KCNQ3: variants seen among roughly 807,000 people sequenced by gnomAD.
KCNQ3 encodes potassium voltage-gated channel subfamily Q member 3, also known as potassium voltage-gated channel subfamily KQT member 3.
KCNQ3 carries 30 observed loss-of-function variants against 92.5 expected under a neutral mutation model. The ratio of observed to expected loss-of-function variants is 0.32; its 90% CI spans 0.24 to 0.44. The LOEUF (loss-of-function observed/expected upper bound fraction) is 0.44. KCNQ3 is among the 20% of genes least tolerant of loss of function. The pLI is 1.00. For synonymous variants in KCNQ3, 450 were observed against 468.8 expected (o/e 0.96, Z 0.52); for missense variants, 913 against 1,140.3 (o/e 0.80, Z 2.87).
chr8:132,258,407 T>C (rs1249891005), intron 1 of KCNQ3, among the ~76,000 whole-genome samples: 1 of 152,012 alleles, frequency 6.6e-6, no homozygotes, highest in Non-Finnish European at 1.5e-5. Flanking sequence ...TCCTAAATCA[T>C]CAAGGGGTCG....
At chr8:132,141,370 G>C (rs1407299706) in intron 9 of KCNQ3, 39 bp from the exon 10 acceptor site, 1 of 1,573,472 alleles carries the variant, frequency 6.4e-7, no homozygotes, top group Admixed American at 1.7e-5. Context: ...TCCTCCTTCA[G>C]TGCAGGCTCT....
intron 1 of KCNQ3, among the ~76,000 whole-genome samples, chr8:132,216,739 G>C (rs1331393151): frequency 6.6e-6 from 1 of 152,174 alleles, no homozygotes; most frequent in Non-Finnish European, 1.5e-5. Context: ...CTATCATTTG[G>C]TTATTTGCAT....
At chr8:132,390,746 G>C (rs2130769759) in intron 1 of KCNQ3, among the ~76,000 whole-genome samples, 1 of 152,282 alleles carries the variant, frequency 6.6e-6, no homozygotes, top group East Asian at 1.9e-4. Flanking sequence ...AGAATTGCAA[G>C]TGCCAACACC....
At chr8:132,321,925 C>T (rs112668919) in intron 1 of KCNQ3, among the ~76,000 whole-genome samples, 2 of 152,288 alleles carry the variant, frequency 1.3e-5, no homozygotes, top group African/African-American at 4.8e-5. Flanking sequence ...TGTTCACAGT[C>T]CCCCCTACTG....
At chr8:132,177,146 G>T (rs143099054) in intron 4 of KCNQ3, among the ~76,000 whole-genome samples, 5 of 152,232 alleles carry the variant, frequency 3.3e-5, no homozygotes, top group African/African-American at 1.2e-4. Context: ...GTTTCATCTG[G>T]CACTTAACCA....
At chr8:132,354,406 G>A (rs1183971037) in intron 1 of KCNQ3, among the ~76,000 whole-genome samples, 1 of 152,178 alleles carries the variant, frequency 6.6e-6, no homozygotes, top group African/African-American at 2.4e-5. Context: ...CAGATCACCT[G>A]TAATTAGAAA....
chr8:132,431,006 G>C (rs982644889), intron 1 of KCNQ3, among the ~76,000 whole-genome samples: 6 of 152,110 alleles, frequency 3.9e-5, no homozygotes, highest in Non-Finnish European at 5.9e-5. Context: ...GAATACGCTG[G>C]ACAATGGCAA....
intron 1 of KCNQ3, among the ~76,000 whole-genome samples, chr8:132,335,044 C>G (rs536984388): frequency 6.7e-6 from 1 of 149,358 alleles, no homozygotes; most frequent in African/African-American, 2.5e-5. Context: ...CTTTTCTTTT[C>G]TTTTTTCTTC....
chr8:132,348,052 G>A (rs546631904), intron 1 of KCNQ3, among the ~76,000 whole-genome samples: 5 of 151,446 alleles, frequency 3.3e-5, no homozygotes, highest in Non-Finnish European at 7.4e-5. Flanking sequence ...GATGCTCCAA[G>A]GCAGGGAAGA....
chr8:132,238,843 C>A (rs1814900281), intron 1 of KCNQ3, among the ~76,000 whole-genome samples: 1 of 152,062 alleles, frequency 6.6e-6, no homozygotes, highest in Non-Finnish European at 1.5e-5. Flanking sequence ...GTCATATGGT[C>A]CTAACCTAGA....
intron 1 of KCNQ3, among the ~76,000 whole-genome samples, chr8:132,297,260 T>G (rs1392111274): frequency 6.6e-6 from 1 of 152,140 alleles, no homozygotes; most frequent in African/African-American, 2.4e-5. Flanking sequence ...CTTGTAAATT[T>G]GTTTGAGTTC....
chr8:132,343,782 G>A (rs1481427553), intron 1 of KCNQ3, among the ~76,000 whole-genome samples: 1 of 152,084 alleles, frequency 6.6e-6, no homozygotes, highest in Admixed American at 6.5e-5. Flanking sequence ...GGGTGGCTTT[G>A]CTTGTGGCTC....
At chr8:132,322,729 G>T (rs1175365241) in intron 1 of KCNQ3, among the ~76,000 whole-genome samples, 3 of 152,164 alleles carry the variant, frequency 2.0e-5, no homozygotes, top group Non-Finnish European at 2.9e-5. Context: ...GTTTGCATGG[G>T]AATCTTGGGG....
At chr8:132,188,949 T>G (rs918594439) in intron 1 of KCNQ3, among the ~76,000 whole-genome samples, 1 of 152,210 alleles carries the variant, frequency 6.6e-6, no homozygotes, top group Non-Finnish European at 1.5e-5. Flanking sequence ...CTAGGCCTCA[T>G]GAACAACATG....
intron 1 of KCNQ3, among the ~76,000 whole-genome samples, chr8:132,251,605 A>G (rs557136893): frequency 1.3e-5 from 2 of 152,346 alleles, no homozygotes; most frequent in South Asian, 2.1e-4. Context: ...AGCCACCTGC[A>G]GAGAAAGTGT....
At chr8:132,310,053 C>A (rs1231180443) in intron 1 of KCNQ3, among the ~76,000 whole-genome samples, 3 of 152,208 alleles carry the variant, frequency 2.0e-5, no homozygotes, top group African/African-American at 7.2e-5. Flanking sequence ...GCCAGACCTT[C>A]TCATATAAAT....
chr8:132,478,318 A>G (rs1229493083), intron 1 of KCNQ3, among the ~76,000 whole-genome samples: 1 of 152,178 alleles, frequency 6.6e-6, no homozygotes, highest in Non-Finnish European at 1.5e-5. Flanking sequence ...AAAGGTGGGA[A>G]GAGAAGAAAG....
chr8:132,231,368 G>A (rs1814641269), intron 1 of KCNQ3, among the ~76,000 whole-genome samples: 2 of 152,102 alleles, frequency 1.3e-5, no homozygotes. Flanking sequence ...TTTGATTTGT[G>A]ATGTTTTCTC....
At chr8:132,236,233 T>A (rs897899544) in intron 1 of KCNQ3, among the ~76,000 whole-genome samples, 1 of 152,236 alleles carries the variant, frequency 6.6e-6, no homozygotes, top group African/African-American at 2.4e-5. Context: ...CAAACCTTTT[T>A]CATTTGGAAA....
Sources: allele counts gnomAD v4.1 joint callset (sites outside exome capture counted in the v4.1 genomes callset), GRCh38; gene constraint gnomAD v4.1.1; transcripts MANE v1.5; gene names NCBI Gene and HGNC (gene_info 2026-07-23, HGNC 2026-07-21).